TECPR2: variants seen among roughly 807,000 people sequenced by gnomAD.
TECPR2 encodes tectonin beta-propeller repeat containing 2.
TECPR2 carries 65 observed loss-of-function variants against 138.1 expected under a neutral mutation model. The observed-to-expected ratio is 0.47, with a 90% confidence interval of 0.39 to 0.58. The LOEUF is 0.58. Ranked by LOEUF, TECPR2 falls within the 20% of genes least tolerant of loss-of-function variation. The pLI is 0.00. For missense variants in TECPR2, 1,553 were observed against 1,824.5 expected, an observed-to-expected ratio of 0.85 and a Z score of 2.71; for synonymous variants, 746 against 749.8, an observed-to-expected ratio of 0.99 and a Z score of 0.08.
At chr14:102,418,947 C>T (rs530005894) in intron 5 of TECPR2, among the ~76,000 whole-genome samples, 195 of 152,032 alleles carry the variant, frequency 1.3e-3, no homozygotes, top group South Asian at 4.8e-3. Flanking sequence ...CCTGGAGGCA[C>T]GGGGAGAAGG....
chr14:102,399,082 G>A (rs7161310), intron 2 of TECPR2, among the ~76,000 whole-genome samples: 4,415 of 152,218 alleles, frequency 0.029, 205 homozygotes, highest in African/African-American at 0.1. Flanking sequence ...GGCCAACATG[G>A]CGAAACTCTG....
chr14:102,410,217 G>T (rs1454992501), intron 4 of TECPR2, among the ~76,000 whole-genome samples: 1 of 152,104 alleles, frequency 6.6e-6, no homozygotes, highest in Non-Finnish European at 1.5e-5. Flanking sequence ...CAGGTGAGAA[G>T]AGTGAGTGGC....
intron 8 of TECPR2, among the ~76,000 whole-genome samples, chr14:102,433,522 A>ATTTT (rs1276614658): frequency 2.7e-5 from 4 of 149,800 alleles, no homozygotes; most frequent in Admixed American, 6.7e-5. Context: ...TTATTTATTT[A>ATTTT]TTTTTTAATT....
Position 102,465,191 on chromosome 14 carries a change from T to C in TECPR2, c.3691T>C (p.Cys1231Arg), listed in dbSNP as rs1890526584. The C allele has an allele frequency of 1.2e-6, 2 of 1,614,260 alleles. No individual in the cohort carries two copies. Among genetic ancestry groups the C allele is most frequent in the South Asian group, 2.2e-5 (2 of 91,088 alleles). Reference protein sequence around the residue: ...LACGNQHIWACDSRGGVYFRV... With the variant: ...LACGNQHIWARDSRGGVYFRV... Reference sequence around the variant, plus strand: ...ATGTGGAAATCAGCACATCTGGGCCTGTGATTCCAGGGGTGGAGTTTACTT... The same window carrying C: ...ATGTGGAAATCAGCACATCTGGGCCCGTGATTCCAGGGGTGGAGTTTACTT... Residue 1231 changes from cysteine to arginine, a missense_variant, in exon 17 of 20, where the codon TGT becomes CGT. Cys to Arg is a radical substitution (Grantham distance 180). Transcript: ENST00000359520.
Position 102,498,954 on chromosome 14 carries a change from GCACACCTCACCACACAA to G in TECPR2, c.*704_*720del. 1.4e-6 allele frequency: 1 copy of G among 690,806 alleles called. No individual in the cohort carries two copies. The highest frequency in any genetic ancestry group is 2.4e-4 in the Middle Eastern group (1 of 4,230). The allele number at this position is 690,806 out of a possible 1,614,324, so 42.8% of individuals were successfully genotyped here. A position where few individuals can be genotyped will look rare whatever the true frequency, so the allele number is the denominator to read the frequency against. ...CCTCACCACATCTCACCACACCACA[GCACACCTCACCACACAA>G]CACACCACACCCCACACCGCACTGC... is the stretch of plus-strand genomic sequence containing the variant. On this transcript the variant is annotated 3_prime_UTR_variant, in exon 20 of 20. Coordinates refer to ENST00000359520, the MANE Select transcript of TECPR2 (RefSeq NM_014844.5).
chr14:102,404,592 T>A (rs1226530051), intron 2 of TECPR2, among the ~76,000 whole-genome samples: 1 of 151,888 alleles, frequency 6.6e-6, no homozygotes, highest in Non-Finnish European at 1.5e-5. Flanking sequence ...TTTTTTTTTT[T>A]TTGAGACAGA....
chr14:102,405,143 A>C lies in TECPR2; in HGVS notation c.220-2195A>C, dbSNP rs1888624469. On this transcript the variant is annotated intron_variant, in intron 2 of 19. Transcript: ENST00000359520. ...GCCAACATGGGGAAACTCTGTCTCT[A>C]CTAAAAATATAAAAAATTAGCCAGG... Among the ~76,000 whole-genome samples, 2 of 151,928 alleles carry C rather than the reference A, an allele frequency of 1.3e-5. 1 individual carries two copies. The highest frequency in any genetic ancestry group is 4.2e-4 in the South Asian group (2 of 4,814).
chr14:102,386,389 G>A (rs1888004371), intron 2 of TECPR2, among the ~76,000 whole-genome samples: 1 of 152,114 alleles, frequency 6.6e-6, no homozygotes, highest in Non-Finnish European at 1.5e-5. Context: ...AGAATTGCTT[G>A]AACCCAGGAG....
rs1355049277 is a variant in TECPR2, at chr14:102,419,840, G to A, written c.638+5047G>A. Among the ~76,000 whole-genome samples the A allele has an allele frequency of 6.6e-6, 1 of 152,172 alleles. No individual in the cohort carries two copies. The highest frequency in any genetic ancestry group is 1.5e-5 in the Non-Finnish European group (1 of 68,036). On this transcript the variant is annotated intron_variant, in intron 5 of 19. Coordinates refer to ENST00000359520, the MANE Select transcript of TECPR2 (RefSeq NM_014844.5). This position sits in a 1 kb window ranked among gnomAD's most constrained non-coding sequence, Gnocchi z 4.8. ...TGTCCCCTGTGAGTCTAGTACTCAG[G>A]GAAGCCCTCCCTGGCAGTAGCACTT...
At chr14:102,450,859 G>A (rs1001894789) in intron 15 of TECPR2, among the ~76,000 whole-genome samples, 13 of 152,340 alleles carry the variant, frequency 8.5e-5, no homozygotes, top group Middle Eastern at 3.4e-3. Context: ...GAGAGGGACC[G>A]AGCGTGGTGA....
Position 102,449,707 on chromosome 14 carries a change from A to G in TECPR2, c.3154A>G (p.Thr1052Ala), listed in dbSNP as rs1890088758. 2 of 1,614,174 alleles carry G rather than the reference A, an allele frequency of 1.2e-6. No individual in the cohort carries two copies. Among genetic ancestry groups the G allele is most frequent in the East Asian group, 4.5e-5 (2 of 44,876 alleles). Residue 1052 changes from threonine to alanine, a missense_variant, in exon 14 of 20, where the codon ACA becomes GCA. Transcript: ENST00000359520. ...AATCCATGCCACTCACTCGGTGGCC[A>G]CAGCAGCCCAAGCCCCCGTAGAAAA... ...TIIHATHSVA[T>A]AAQAPVEKVA...
intron 4 of TECPR2, among the ~76,000 whole-genome samples, chr14:102,411,345 T>A (rs1419543842): frequency 6.6e-6 from 1 of 152,194 alleles, no homozygotes; most frequent in African/African-American, 2.4e-5. Flanking sequence ...TCCACGTACG[T>A]ATACGCCCAG....
intron 2 of TECPR2, among the ~76,000 whole-genome samples, chr14:102,385,990 C>CAT (rs2139668981): frequency 6.6e-6 from 1 of 152,044 alleles, no homozygotes; most frequent in Admixed American, 6.6e-5. Flanking sequence ...CCCATACATG[C>CAT]ATATGCCTGC....
intron 2 of TECPR2, among the ~76,000 whole-genome samples, chr14:102,393,643 C>A (rs1454455473): frequency 2.6e-5 from 4 of 152,154 alleles, no homozygotes; most frequent in Non-Finnish European, 5.9e-5. Context: ...ACTGCAACCT[C>A]CGCCTCCCAG....
At chr14:102,371,688 C>T (rs76404693) in intron 1 of TECPR2, among the ~76,000 whole-genome samples, 6,072 of 152,184 alleles carry the variant, frequency 0.04, 139 homozygotes, top group Middle Eastern at 0.088. Flanking sequence ...TTCAACATTT[C>T]CACCTCTTGC....
At chr14:102,473,643 C>A (rs1375572742) in intron 17 of TECPR2, among the ~76,000 whole-genome samples, 1 of 152,168 alleles carries the variant, frequency 6.6e-6, no homozygotes, top group Admixed American at 6.5e-5. Flanking sequence ...AGATACCCCT[C>A]CTGTAGTAGT....
intron 14 of TECPR2, among the ~76,000 whole-genome samples, 196 bp from the exon 15 acceptor site, chr14:102,450,364 G>T (rs541419542): frequency 1.3e-5 from 2 of 152,296 alleles, no homozygotes; most frequent in East Asian, 3.9e-4. Context: ...ACCCTGGACT[G>T]GGTGTGGCTC....
chr14:102,481,258 C>T (rs1890888066), intron 17 of TECPR2, among the ~76,000 whole-genome samples: 1 of 152,058 alleles, frequency 6.6e-6, no homozygotes, highest in Non-Finnish European at 1.5e-5. Context: ...CCCGCCTCGG[C>T]CTCCCAAAGT....
At chr14:102,487,308 T>C (rs903850025) in intron 17 of TECPR2, among the ~76,000 whole-genome samples, 47 of 152,364 alleles carry the variant, frequency 3.1e-4, no homozygotes, top group African/African-American at 9.9e-4. Flanking sequence ...TTCTTCCAAG[T>C]TCTGATAAGT....
Sources: allele counts gnomAD v4.1 joint callset (sites outside exome capture counted in the v4.1 genomes callset), GRCh38; gene constraint gnomAD v4.1.1; non-coding constraint Gnocchi (gnomAD v3.1); transcripts MANE v1.5; gene names NCBI Gene and HGNC (gene_info 2026-07-23, HGNC 2026-07-21).